DTNB: variants seen among roughly 807,000 people sequenced by gnomAD.
The protein encoded by DTNB is dystrobrevin beta, also known as DTN-B.
A neutral mutation model predicts 90.7 loss-of-function variants in DTNB; 63 were observed. The observed-to-expected ratio is 0.69, with a 90% CI of 0.57 to 0.86. DTNB has a LOEUF of 0.86. Among genes scored for constraint, DTNB ranks in the 40% least tolerant of loss-of-function variants. DTNB has a pLI of 0.00. For synonymous variants in DTNB, 277 were observed against 286.7 expected, an observed-to-expected ratio of 0.97 and a Z score of 0.34; for missense variants, 744 against 807.1, an observed-to-expected ratio of 0.92 and a Z score of 0.95.
intron 1 of DTNB, among the ~76,000 whole-genome samples, chr2:25,656,055 C>T (rs1394420734): frequency 2.6e-5 from 4 of 152,190 alleles, no homozygotes; most frequent in African/African-American, 7.2e-5. Context: ...TTGCTATCTT[C>T]CCTCTCCTAT....
At chr2:25,541,055 A>C (rs569192682) in intron 8 of DTNB, among the ~76,000 whole-genome samples, 71 of 152,014 alleles carry the variant, frequency 4.7e-4, no homozygotes, top group African/African-American at 7.0e-4. Context: ...AAGAAAACAA[A>C]AAAAAAAAAG....
At chr2:25,574,816 C>T (rs2060414898) in intron 8 of DTNB, among the ~76,000 whole-genome samples, 1 of 151,956 alleles carries the variant, frequency 6.6e-6, no homozygotes, top group African/African-American at 2.4e-5. Flanking sequence ...GTCTCTTTAA[C>T]AAAAATAAAG....
At chr2:25,515,301 G>A (rs2074861933) in intron 9 of DTNB, among the ~76,000 whole-genome samples, 1 of 152,162 alleles carries the variant, frequency 6.6e-6, no homozygotes, top group South Asian at 2.1e-4. Flanking sequence ...ACTAAAATGT[G>A]TGTGGAAATG....
Position 25,617,415 on chromosome 2 carries a change from T to C in DTNB, c.363-10094A>G, listed in dbSNP as rs117280096. 1.4e-3 allele frequency among the ~76,000 whole-genome samples: 218 copies of C among 152,274 alleles called. 4 individuals are homozygous for C. In the East Asian group the frequency reaches 0.037, roughly 26 times the overall value. On this transcript the variant is annotated intron_variant, in intron 4 of 20. Coordinates refer to ENST00000406818, the MANE Select transcript of DTNB (RefSeq NM_021907.5). ...ATAAGTTAAGTATGCATCCTGAGAA[T>C]GGGGCAGTGGGCTCGAGGTGTTAAT...
chr2:25,589,524 G>A, intron 6 of DTNB, among the ~76,000 whole-genome samples: 1 of 151,500 alleles, frequency 6.6e-6, no homozygotes, highest in East Asian at 1.9e-4. Context: ...GGGACTACAG[G>A]CGCCCGCCAC....
intron 3 of DTNB, among the ~76,000 whole-genome samples, chr2:25,637,750 C>G (rs575885831): frequency 6.6e-6 from 1 of 152,192 alleles, no homozygotes; most frequent in Admixed American, 6.5e-5. Flanking sequence ...AACACTTTTA[C>G]GCTGCTGGTG....
intron 8 of DTNB, among the ~76,000 whole-genome samples, chr2:25,534,882 T>TTCC (rs2079078979): frequency 6.3e-5 from 8 of 127,564 alleles, no homozygotes; most frequent in South Asian, 2.8e-4. Flanking sequence ...CGCTCCTCAC[T>TTCC]TCCCAGACGG....
chr2:25,507,570 G>A (rs517403), intron 9 of DTNB, among the ~76,000 whole-genome samples: 42,635 of 151,876 alleles, frequency 0.28, 6,552 homozygotes, highest in East Asian at 0.51. Context: ...TCCAATGTTC[G>A]TGTATCTTAT....
At chr2:25,665,434 G>A (rs1418080249) in intron 1 of DTNB, among the ~76,000 whole-genome samples, 2 of 152,072 alleles carry the variant, frequency 1.3e-5, no homozygotes, top group East Asian at 1.9e-4. Flanking sequence ...AGACCATCCT[G>A]GCTAACACAA....
chr2:25,587,098 A>G (rs2062590311), intron 6 of DTNB, among the ~76,000 whole-genome samples: 1 of 152,164 alleles, frequency 6.6e-6, no homozygotes, highest in South Asian at 2.1e-4. Context: ...GATGGGGTAG[A>G]GCGGGAGCAA....
intron 9 of DTNB, among the ~76,000 whole-genome samples, chr2:25,526,395 A>ATTTTTTT (rs1245672956): frequency 4.0e-4 from 20 of 49,820 alleles, no homozygotes; most frequent in African/African-American, 8.8e-4. Flanking sequence ...ATATATATAT[A>ATTTTTTT]TTTTTTTTTT....
intron 3 of DTNB, among the ~76,000 whole-genome samples, chr2:25,635,205 G>T (rs2076886635): frequency 6.6e-6 from 1 of 152,124 alleles, no homozygotes; most frequent in African/African-American, 2.4e-5. Flanking sequence ...GGCCAAGACA[G>T]GTGGATCACT....
intron 12 of DTNB, among the ~76,000 whole-genome samples, chr2:25,449,648 T>C (rs2058972585): frequency 6.6e-6 from 1 of 152,222 alleles, no homozygotes; most frequent in South Asian, 2.1e-4. Context: ...TTGCTCATTT[T>C]TTAAAAAAGG....
chr2:25,632,679 G>A (rs759091316), intron 3 of DTNB, among the ~76,000 whole-genome samples: 4 of 152,112 alleles, frequency 2.6e-5, no homozygotes, highest in Non-Finnish European at 5.9e-5. Flanking sequence ...AGAGTCCCCA[G>A]CAGCAAGATG....
At chr2:25,576,264 T>C (rs1022257548) in intron 8 of DTNB, among the ~76,000 whole-genome samples, 1 of 148,584 alleles carries the variant, frequency 6.7e-6, no homozygotes, top group Non-Finnish European at 1.5e-5. Flanking sequence ...CTTACTCTGT[T>C]GCCCAGGCTG....
chr2:25,396,527 A>AT (rs889822230), intron 16 of DTNB, among the ~76,000 whole-genome samples: 1 of 151,416 alleles, frequency 6.6e-6, no homozygotes, highest in African/African-American at 2.4e-5. Context: ...AAAAAAAAAA[A>AT]GAATGATACA....
intron 16 of DTNB, among the ~76,000 whole-genome samples, chr2:25,396,184 C>T (rs1055552565): frequency 6.6e-6 from 1 of 152,186 alleles, no homozygotes; most frequent in East Asian, 1.9e-4. Context: ...AACCAAACAT[C>T]GTTGTTCTTA....
chr2:25,396,109 G>T (rs984238583), intron 16 of DTNB, among the ~76,000 whole-genome samples: 5 of 152,148 alleles, frequency 3.3e-5, no homozygotes, highest in Non-Finnish European at 7.4e-5. Context: ...CAAAACAATG[G>T]CATTCACAGC....
At chr2:25,498,728 G>A (rs1558772937) in intron 9 of DTNB, among the ~76,000 whole-genome samples, 2 of 150,398 alleles carry the variant, frequency 1.3e-5, no homozygotes, top group East Asian at 3.9e-4. Context: ...CATTCTTGTG[G>A]TTCCAGCTAT....
Sources: gnomAD v4.1 joint callset for allele counts (sites outside exome capture counted in the v4.1 genomes callset) on GRCh38, gnomAD v4.1.1 for gene constraint, MANE v1.5 for transcripts, NCBI Gene and HGNC (gene_info 2026-07-23, HGNC 2026-07-21) for gene names.